The following MDGA2 variants were observed in gnomAD, a reference collection of about 807,000 sequenced individuals.
MDGA2 encodes MAM domain-containing glycosylphosphatidylinositol anchor protein 2.
In MDGA2, 40 loss-of-function variants were observed where a neutral mutation model predicts 117.8. The ratio of observed to expected loss-of-function variants is 0.34; its 90% CI spans 0.26 to 0.44. The LOEUF is 0.44. Among genes scored for constraint, MDGA2 ranks in the 20% least tolerant of loss-of-function variants. The pLI is 1.00. For missense variants in MDGA2, 1,123 were observed against 1,250.6 expected (o/e 0.90, Z 1.54); for synonymous variants, 452 against 439.0 (o/e 1.03, Z -0.37).
chr14:47,560,392 T>C (rs1052032432), intron 1 of MDGA2, among the ~76,000 whole-genome samples: 7 of 152,298 alleles, frequency 4.6e-5, no homozygotes, highest in Non-Finnish European at 1.0e-4. Flanking sequence ...TTTTTAATAA[T>C]AGGCTTTCTG....
chr14:47,668,950 A>G (rs1229278383), intron 1 of MDGA2, among the ~76,000 whole-genome samples: 1 of 152,172 alleles, frequency 6.6e-6, no homozygotes, highest in Non-Finnish European at 1.5e-5. Context: ...CTCTTCTCAA[A>G]GCATGAGGAT....
intron 1 of MDGA2, among the ~76,000 whole-genome samples, chr14:47,430,561 T>C (rs2138525721): frequency 6.6e-6 from 1 of 151,934 alleles, no homozygotes; most frequent in African/African-American, 2.4e-5. Flanking sequence ...TTATTCTCTG[T>C]GGAAAACAAA....
In MDGA2 at chr14:47,570,559, G is replaced by A. The variant is rs1382085399; in HGVS notation, c.280+103958C>T. ...TTCCATTTCATATTATCAACCAAAG[G>A]TATATATTCTCTTAAAAATATACAG... On this transcript the variant is annotated intron_variant, in intron 1 of 16. Transcript: ENST00000399232. Among the ~76,000 whole-genome samples the A allele has an allele frequency of 5.9e-5, 9 of 151,804 alleles. No individual in the cohort carries two copies. The South Asian group carries it at 1.7e-3, about 28-fold the overall frequency.
chr14:47,577,540 A>AT (rs1442590864), intron 1 of MDGA2, among the ~76,000 whole-genome samples: 1 of 152,192 alleles, frequency 6.6e-6, no homozygotes, highest in East Asian at 1.9e-4. Flanking sequence ...CAATCTACCC[A>AT]TGTGACAAAG....
intron 9 of MDGA2, among the ~76,000 whole-genome samples, chr14:46,925,631 C>CAAAAAAA (rs34889177): frequency 1.5e-5 from 1 of 64,598 alleles, no homozygotes; most frequent in African/African-American, 5.9e-5. Context: ...GACTCTACCT[C>CAAAAAAA]AAAAAAAAAA....
downstream of MDGA2, among the ~76,000 whole-genome samples, chr14:46,839,771 T>C (rs1880535235): frequency 6.6e-6 from 1 of 151,962 alleles, no homozygotes; most frequent in East Asian, 1.9e-4. Context: ...GTTTATTATG[T>C]TTAATTTAAA....
In MDGA2 at chr14:47,128,978, C is replaced by T. The variant is rs527660697; in HGVS notation, c.925+2736G>A. On this transcript the variant is annotated intron_variant, in intron 5 of 16. Coordinates refer to ENST00000399232, the MANE Select transcript of MDGA2 (RefSeq NM_001113498.3). ...TGCTGGGATTACAGGAGTGAGCCAC[C>T]GTGCCCAGCCTCCATCAACTATTTC... Among the ~76,000 whole-genome samples the T allele has an allele frequency of 9.9e-5, 15 of 152,094 alleles. No individual in the cohort carries two copies. In the South Asian group the frequency reaches 1.9e-3, roughly 19 times the overall value.
chr14:47,001,000 C>A (rs35594631), intron 8 of MDGA2, among the ~76,000 whole-genome samples: 3 of 151,774 alleles, frequency 2.0e-5, no homozygotes, highest in African/African-American at 4.8e-5. Context: ...ATCATCAGCC[C>A]AAGATGTGGA....
intron 9 of MDGA2, among the ~76,000 whole-genome samples, chr14:46,923,736 T>G (rs10149215): frequency 6.6e-6 from 1 of 151,722 alleles, no homozygotes; most frequent in African/African-American, 2.4e-5. Flanking sequence ...TTTTTTGAAA[T>G]GAGACACACT....
intron 6 of MDGA2, among the ~76,000 whole-genome samples, chr14:47,094,816 A>G (rs545198463): frequency 6.6e-6 from 1 of 152,034 alleles, no homozygotes; most frequent in African/African-American, 2.4e-5. Context: ...TAGAAATGAA[A>G]CAAACACCGA....
At chr14:47,364,846 T>C (rs1436992514) in intron 1 of MDGA2, among the ~76,000 whole-genome samples, 1 of 152,234 alleles carries the variant, frequency 6.6e-6, no homozygotes, top group East Asian at 1.9e-4. Flanking sequence ...AGCTTAGAGT[T>C]CATTTTCCCC....
chr14:47,638,925 C>A (rs927524290), intron 1 of MDGA2, among the ~76,000 whole-genome samples: 4 of 152,164 alleles, frequency 2.6e-5, no homozygotes, highest in Non-Finnish European at 4.4e-5. Context: ...TTCTCTAGTT[C>A]TGTGTAATTT....
intron 1 of MDGA2, among the ~76,000 whole-genome samples, chr14:47,303,594 T>C (rs1188810670): frequency 1.3e-5 from 2 of 152,154 alleles, no homozygotes; most frequent in Non-Finnish European, 2.9e-5. Context: ...TTTTTAGGCA[T>C]CTGTCTAATA....
rs150243024 is a variant in MDGA2, at chr14:47,403,174, C to T, written c.281-101624G>A. 4.9e-4 allele frequency among the ~76,000 whole-genome samples: 75 copies of T among 152,242 alleles called. 1 individual carries two copies. The highest frequency in any genetic ancestry group is 1.8e-3 in the African/African-American group (73 of 41,552). ...TTCACTAGCAACTTATCAACTTAGTCTAATTTCCCCCAATCCTATAAAAGC... is the reference window on the plus strand; with the variant it reads ...TTCACTAGCAACTTATCAACTTAGTTTAATTTCCCCCAATCCTATAAAAGC... On this transcript the variant is annotated intron_variant, in intron 1 of 16. Coordinates refer to ENST00000399232, the MANE Select transcript of MDGA2 (RefSeq NM_001113498.3).
intron 6 of MDGA2, among the ~76,000 whole-genome samples, chr14:47,065,571 G>T (rs1890050532): frequency 6.6e-6 from 1 of 152,190 alleles, no homozygotes; most frequent in South Asian, 2.1e-4. Context: ...CTGTGAGATT[G>T]TATCTTGATT....
chr14:47,098,276 A>AG (rs568417815), intron 5 of MDGA2, among the ~76,000 whole-genome samples: 15,592 of 148,822 alleles, frequency 0.1, 987 homozygotes, highest in Non-Finnish European at 0.11. Context: ...AAAAAAAAAA[A>AG]AAAGCCAGAA....
chr14:47,519,342 T>C (rs559043638), intron 1 of MDGA2, among the ~76,000 whole-genome samples: 1 of 152,326 alleles, frequency 6.6e-6, no homozygotes, highest in African/African-American at 2.4e-5. Context: ...TATTTGTTTC[T>C]CCACAGTTCT....
intron 1 of MDGA2, among the ~76,000 whole-genome samples, chr14:47,576,083 T>C (rs1204207510): frequency 2.6e-5 from 4 of 152,150 alleles, no homozygotes; most frequent in Non-Finnish European, 5.9e-5. Context: ...CAAATCTGAA[T>C]GTCAATCACA....
chr14:47,012,430 T>C (rs183745569), intron 8 of MDGA2, among the ~76,000 whole-genome samples: 1 of 152,284 alleles, frequency 6.6e-6, no homozygotes, highest in African/African-American at 2.4e-5. Flanking sequence ...CTGAACTGTC[T>C]ATAACAGAAA....
Sources: gnomAD v4.1 joint callset for allele counts (sites outside exome capture counted in the v4.1 genomes callset) on GRCh38, gnomAD v4.1.1 for gene constraint, MANE v1.5 for transcripts, NCBI Gene and HGNC (gene_info 2026-07-23, HGNC 2026-07-21) for gene names.